Variants in TMPO observed in about 807,000 individuals in gnomAD.
TMPO encodes the protein LEM domain containing 4.
A neutral mutation model predicts 45.4 loss-of-function variants in TMPO; 22 were observed. The ratio of observed to expected loss-of-function variants is 0.48; its 90% confidence interval spans 0.35 to 0.69. The LOEUF (loss-of-function observed/expected upper bound fraction) is 0.69, where lower values mean the gene tolerates loss of function less well. TMPO is among the 30% of genes least tolerant of loss of function. TMPO has a pLI of 0.01. For missense variants in TMPO, 512 were observed against 548.8 expected (o/e 0.93, Z 0.67); for synonymous variants, 241 against 204.1 (o/e 1.18, Z -1.54).
chr12:98,543,994 AT>A (rs1477461719), intron 4 of TMPO, among the ~76,000 whole-genome samples: 1 of 152,176 alleles, frequency 6.6e-6, no homozygotes, highest in Admixed American at 6.5e-5. Context: ...AATGTTTATA[AT>A]TTGTGAGCTA....
In TMPO at chr12:98,545,047, T is replaced by A. The variant is rs760704098; in HGVS notation, c.976T>A (p.Leu326Met). Residue 326 changes from leucine (L) to methionine (M), a missense_variant, in exon 7 of 9, where the codon TTG becomes ATG. Physicochemically the swap from Leu to Met is conservative, Grantham distance 15 (BLOSUM62 2). Around this residue, in one of 3 missense-constraint regions of TMPO, gnomAD observed 209 missense variants for 235.1 expected, o/e 0.89. Transcript: ENST00000556029. ...ACCCAGAAGAGCACCAAAGAAACCA[T>A]TGACAAGAGCTGAAGTAAATGAATA... ...DIPRRAPKKP[L>M]TRAEVGEKTE... 1 of 1,610,912 alleles carries A rather than the reference T, an allele frequency of 6.2e-7. No individual in the cohort carries two copies. The highest frequency in any genetic ancestry group is 1.1e-5 in the South Asian group (1 of 91,006).
chr12:98,517,971 T>G (rs1876007605), intron 1 of TMPO, among the ~76,000 whole-genome samples: 1 of 152,106 alleles, frequency 6.6e-6, no homozygotes, highest in South Asian at 2.1e-4. Context: ...TAGACCAGCC[T>G]GGCCCATATG....
intron 3 of TMPO, among the ~76,000 whole-genome samples, chr12:98,536,584 C>G (rs1178863653): frequency 6.6e-6 from 1 of 152,128 alleles, no homozygotes; most frequent in Admixed American, 6.5e-5. Context: ...AAGCTGACCT[C>G]AGGTGATCCG....
chr12:98,547,625 A>G lies in TMPO; in HGVS notation c.1132A>G (p.Ser378Gly). The G allele has an allele frequency of 6.2e-7, 1 of 1,614,210 alleles. No individual in the cohort carries two copies. The highest frequency in any genetic ancestry group is 1.1e-5 in the South Asian group (1 of 91,088). Residue 378 changes from serine to glycine, a missense_variant, in exon 9 of 9, where the codon AGT becomes GGT. Ser to Gly is a moderately conservative substitution (Grantham distance 56). Around this residue, in one of 3 missense-constraint regions of TMPO, gnomAD observed 209 missense variants for 235.1 expected, o/e 0.89. Transcript: ENST00000556029. Reference protein sequence around the residue: ...KGAAGRPLELSDFRMEESFSS... With the variant: ...KGAAGRPLELGDFRMEESFSS... Reference sequence around the variant, plus strand: ...GGCTGCAGGCCGGCCATTAGAACTCAGTGATTTCAGGATGGAGGAGTCTTT... The same window carrying G: ...GGCTGCAGGCCGGCCATTAGAACTCGGTGATTTCAGGATGGAGGAGTCTTT...
intron 1 of TMPO, among the ~76,000 whole-genome samples, chr12:98,523,686 T>C (rs1455071737): frequency 1.3e-5 from 2 of 152,206 alleles, no homozygotes; most frequent in African/African-American, 2.4e-5. Context: ...TTCTTTCTTT[T>C]TTTTCTTTAG....
chr12:98,542,267 T>C (rs780264622), intron 4 of TMPO, among the ~76,000 whole-genome samples: 11 of 152,220 alleles, frequency 7.2e-5, no homozygotes, highest in Non-Finnish European at 1.2e-4. Context: ...TGGAGGAATA[T>C]GAGGCTTTTT....
intron 1 of TMPO, among the ~76,000 whole-genome samples, chr12:98,520,378 C>G (rs1235385424): frequency 6.6e-6 from 1 of 151,844 alleles, no homozygotes; most frequent in Non-Finnish European, 1.5e-5. Context: ...TCTCGGCTCA[C>G]TGCAACCTCT....
intron 6 of TMPO, 111 bp downstream of exon 6, chr12:98,544,648 TTTAACAA>T: frequency 6.5e-6 from 6 of 926,036 alleles, no homozygotes; most frequent in South Asian, 1.6e-5. Context: ...GTTTTTTTTT[TTTAACAA>T]TTTTAAACTG....
intron 3 of TMPO, among the ~76,000 whole-genome samples, chr12:98,535,819 TA>T (rs766742368): frequency 6.6e-6 from 1 of 152,230 alleles, no homozygotes; most frequent in East Asian, 1.9e-4. Context: ...ACCATGTTTT[TA>T]TTGACTGTTG....
chr12:98,527,671 A>G (rs940338155), intron 1 of TMPO: 2 of 541,012 alleles, frequency 3.7e-6, no homozygotes, highest in Non-Finnish European at 6.6e-6. Context: ...AATGTCTTTA[A>G]GTTACTTGCT....
chr12:98,537,401 C>T (rs894159211), intron 3 of TMPO, 74 bp from the exon 4 acceptor site: 26 of 1,282,878 alleles, frequency 2.0e-5, no homozygotes, highest in Middle Eastern at 2.0e-4. Context: ...CCAGGGTTCC[C>T]GATTAATATT....
intron 1 of TMPO, chr12:98,527,566 C>A: frequency 9.2e-6 from 2 of 218,490 alleles, no homozygotes; most frequent in South Asian, 7.1e-5. Context: ...AAAATGTTAC[C>A]CAAAGTCAGT....
At chr12:98,546,282 T>TA in intron 7 of TMPO, 77 bp from the exon 8 acceptor site, 2 of 974,068 alleles carry the variant, frequency 2.1e-6, no homozygotes, top group East Asian at 2.4e-5. Context: ...CTCTAAAACT[T>TA]ACTATTTATG....
Position 98,531,759 on chromosome 12 carries a change from G to A in TMPO, c.486G>A (p.Leu162=), listed in dbSNP as rs1877210831. The A allele has an allele frequency of 6.2e-7, 1 of 1,613,702 alleles. No individual in the cohort carries two copies. The highest frequency in any genetic ancestry group is 8.5e-7 in the Non-Finnish European group (1 of 1,179,854). ...QGTESRSSTP[L]PTISSSAENT... The stretch of plus-strand genomic sequence containing the variant: ...CAGAATCAAGATCTTCTACTCCTCT[G>A]CCAACAATTTCTTCTTCAGCAGAAA... Residue 162 remains leucine (L), a synonymous_variant, in exon 3 of 9, where the codon CTG becomes CTA. Transcript: ENST00000556029.
chr12:98,531,081 G>A (rs1313938442), intron 2 of TMPO, among the ~76,000 whole-genome samples: 1 of 152,040 alleles, frequency 6.6e-6, no homozygotes, highest in African/African-American at 2.4e-5. Context: ...TGGGATTACA[G>A]GCGCCCACCA....
chr12:98,527,851 T>C (rs749510075), intron 1 of TMPO, 35 bp from the exon 2 acceptor site: 9 of 1,611,716 alleles, frequency 5.6e-6, no homozygotes, highest in Non-Finnish European at 6.8e-6. Context: ...AACACTTTAA[T>C]TCATATGGAA....
intron 2 of TMPO, among the ~76,000 whole-genome samples, chr12:98,530,035 T>A (rs1397532194): frequency 1.3e-5 from 2 of 152,226 alleles, no homozygotes; most frequent in Non-Finnish European, 2.9e-5. Context: ...TAAAAAATGT[T>A]TTTGTTTAAA....
chr12:98,528,146 G>A (rs1592939527), intron 2 of TMPO, 134 bp downstream of exon 2: 1 of 979,500 alleles, frequency 1.0e-6, no homozygotes, highest in East Asian at 2.6e-5. Flanking sequence ...CAGAACCTGT[G>A]TTTCTTTGAC....
In TMPO at chr12:98,527,780, A is replaced by G. The variant is rs545343813; in HGVS notation, c.280-106A>G. 114 of 1,349,822 alleles carry G rather than the reference A, an allele frequency of 8.4e-5. 1 individual carries two copies. The South Asian group carries it at 1.2e-3, about 15-fold the overall frequency. The allele number at this position is 1,349,822 out of a possible 1,614,324, so 83.6% of individuals were successfully genotyped here. On this transcript the variant is annotated intron_variant, in intron 1 of 8. Transcript: ENST00000556029. ...GGAATTGCTAAGGCCTAATATTACT[A>G]TAAACCAATTTGGTAGTGAGTTTGC... is the stretch of plus-strand genomic sequence containing the variant.
Sources: allele counts gnomAD v4.1 joint callset (sites outside exome capture counted in the v4.1 genomes callset), GRCh38; gene constraint gnomAD v4.1.1; regional missense constraint gnomAD v4.1.1; transcripts MANE v1.5; gene names NCBI Gene and HGNC (gene_info 2026-07-23, HGNC 2026-07-21).